The following CACNB2 variants were observed in gnomAD, a reference collection of about 807,000 sequenced individuals.
The protein encoded by CACNB2 is voltage-dependent L-type calcium channel subunit beta-2.
CACNB2 carries 42 observed loss-of-function variants against 73.3 expected under a neutral mutation model. That is an observed-to-expected ratio of 0.57 (90% confidence interval 0.45 to 0.74). The LOEUF is 0.74. Ranked by LOEUF, CACNB2 falls within the 30% of genes least tolerant of loss-of-function variation. The probability of loss-of-function intolerance (pLI) is 0.00; values close to 1 mark genes in which losing one functional copy is unlikely to be tolerated. For missense variants in CACNB2, 940 were observed against 853.0 expected (o/e 1.10, Z -1.27); for synonymous variants, 348 against 310.3 (o/e 1.12, Z -1.28).
At chr10:18,208,763 C>T (rs2035200416) in intron 2 of CACNB2, among the ~76,000 whole-genome samples, 1 of 138,702 alleles carries the variant, frequency 7.2e-6, no homozygotes, top group South Asian at 2.1e-4. Flanking sequence ...ATCTCAGCTA[C>T]TGGAAAGGCA....
chr10:18,271,636 G>T (rs1022157998), intron 2 of CACNB2, among the ~76,000 whole-genome samples: 1 of 151,996 alleles, frequency 6.6e-6, no homozygotes, highest in African/African-American at 2.4e-5. Context: ...CCTTCTCCCG[G>T]TGGCAGCACA....
At chr10:18,240,159 G>A (rs2036593286) in intron 2 of CACNB2, among the ~76,000 whole-genome samples, 1 of 152,200 alleles carries the variant, frequency 6.6e-6, no homozygotes, top group Non-Finnish European at 1.5e-5. Context: ...AAAACTATGA[G>A]TATTCTGTTG....
rs374708880 is a variant in CACNB2, at chr10:18,534,880, C to T, written c.1206+653C>T. Among the ~76,000 whole-genome samples, 5 of 152,218 alleles carry T rather than the reference C, an allele frequency of 3.3e-5. No individual in the cohort carries two copies. In the East Asian group the frequency reaches 5.8e-4, roughly 18 times the overall value. On this transcript the variant is annotated intron_variant, in intron 11 of 13. Transcript: ENST00000324631. ...AACAACTGACAGGCTATGCTTATTC[C>T]GACTTGGTGTAGCAGATATTTTCTT...
intron 3 of CACNB2, among the ~76,000 whole-genome samples, chr10:18,451,638 G>A (rs2047027656): frequency 6.6e-6 from 1 of 152,184 alleles, no homozygotes; most frequent in Admixed American, 6.5e-5. Context: ...TCCTCTCCCA[G>A]AAGAGAGGAA....
At chr10:18,495,709 T>C (rs1412540290) in intron 3 of CACNB2, among the ~76,000 whole-genome samples, 1 of 152,004 alleles carries the variant, frequency 6.6e-6, no homozygotes, top group Non-Finnish European at 1.5e-5. Flanking sequence ...CCACGGCACC[T>C]GGCCTTTTAA....
chr10:18,407,203 A>ACTC (rs1455579332), intron 3 of CACNB2, among the ~76,000 whole-genome samples: 1 of 126,810 alleles, frequency 7.9e-6, no homozygotes, highest in Non-Finnish European at 1.6e-5. Flanking sequence ...GCTCAGTGCA[A>ACTC]CTCCACCTCC....
intron 2 of CACNB2, among the ~76,000 whole-genome samples, chr10:18,213,458 G>T (rs2035396882): frequency 1.3e-5 from 2 of 152,304 alleles, no homozygotes; most frequent in South Asian, 2.1e-4. Flanking sequence ...CTCTTTGAAA[G>T]ATTGGTGCTG....
chr10:18,220,230 T>TAGAG (rs1352080814), intron 2 of CACNB2, among the ~76,000 whole-genome samples: 75 of 34,432 alleles, frequency 2.2e-3, no homozygotes, highest in Non-Finnish European at 2.6e-3. Flanking sequence ...TATATATATA[T>TAGAG]ATAGAGAGAG....
At chr10:18,157,586 A>G (rs1347666616) in intron 2 of CACNB2, among the ~76,000 whole-genome samples, 1 of 152,226 alleles carries the variant, frequency 6.6e-6, no homozygotes, top group African/African-American at 2.4e-5. Context: ...GCTTACTTTA[A>G]GTTCTGTCTC....
intron 3 of CACNB2, among the ~76,000 whole-genome samples, chr10:18,482,714 G>A (rs542210801): frequency 1.0e-3 from 152 of 152,180 alleles, no homozygotes; most frequent in Middle Eastern, 3.4e-3. Context: ...GTTTCACCAC[G>A]TTGGGCAGGC....
rs1041622858 is a variant in CACNB2, at chr10:18,194,633, T to C, written c.213+43658T>C. ...GGACAGGCAATCACAGCTGAGGCAATAGATGGGTGTGGGGGAGATATATTT... is the reference window on the plus strand; with the variant it reads ...GGACAGGCAATCACAGCTGAGGCAACAGATGGGTGTGGGGGAGATATATTT... On this transcript the variant is annotated intron_variant, in intron 2 of 13. Transcript: ENST00000324631. Among the ~76,000 whole-genome samples, 10 of 152,268 alleles carry C rather than the reference T, an allele frequency of 6.6e-5. 1 individual carries two copies. Among genetic ancestry groups the C allele is most frequent in the Admixed American group, 3.3e-4 (5 of 15,296 alleles).
At chr10:18,178,456 A>T (rs993451517) in intron 2 of CACNB2, among the ~76,000 whole-genome samples, 1 of 152,240 alleles carries the variant, frequency 6.6e-6, no homozygotes, top group Non-Finnish European at 1.5e-5. Flanking sequence ...ACTGAAAATC[A>T]TACAGAGATT....
intron 2 of CACNB2, among the ~76,000 whole-genome samples, chr10:18,381,197 G>A (rs745355690): frequency 4.6e-5 from 7 of 150,558 alleles, no homozygotes; most frequent in Non-Finnish European, 7.4e-5. Context: ...CACAAGCCTC[G>A]CCTCTCCTGC....
chr10:18,149,203 G>T (rs940206908), intron 1 of CACNB2, among the ~76,000 whole-genome samples: 1 of 151,970 alleles, frequency 6.6e-6, no homozygotes, highest in African/African-American at 2.4e-5. Flanking sequence ...ATTTTAAAGA[G>T]ATTTTCATAC....
chr10:18,316,845 G>A (rs2040206606), intron 2 of CACNB2, among the ~76,000 whole-genome samples: 1 of 152,032 alleles, frequency 6.6e-6, no homozygotes, highest in Non-Finnish European at 1.5e-5. Context: ...TTTTGTATTA[G>A]GATCCTGCAA....
chr10:18,312,877 C>T, intron 2 of CACNB2, among the ~76,000 whole-genome samples: 1 of 152,148 alleles, frequency 6.6e-6, no homozygotes, highest in East Asian at 1.9e-4. Context: ...TTTTTAGCCA[C>T]ATTTCAAGGT....
At chr10:18,448,254 T>C (rs2046833032) in intron 3 of CACNB2, among the ~76,000 whole-genome samples, 1 of 151,742 alleles carries the variant, frequency 6.6e-6, no homozygotes, top group Non-Finnish European at 1.5e-5. Context: ...GAGGCCAAGG[T>C]GGGCAGATCA....
At chr10:18,403,701 G>A (rs895326048) in intron 3 of CACNB2, among the ~76,000 whole-genome samples, 1 of 152,080 alleles carries the variant, frequency 6.6e-6, no homozygotes, top group African/African-American at 2.4e-5. Flanking sequence ...ATCAAACCAG[G>A]GTCGTGTTAC....
Position 18,368,983 on chromosome 10 carries a change from A to G in CACNB2, c.214-32941A>G, listed in dbSNP as rs576747966. ...ATTTGAAATGTACTGGTAATTTAAC[A>G]TCACTGTAAATTCATTAACTTAGGT... On this transcript the variant is annotated intron_variant, in intron 2 of 13. Transcript: ENST00000324631. Among the ~76,000 whole-genome samples the G allele has an allele frequency of 1.3e-4, 20 of 152,344 alleles. No individual in the cohort carries two copies. In the South Asian group the frequency reaches 3.7e-3, roughly 28 times the overall value.
Sources: gnomAD v4.1 joint callset for allele counts (sites outside exome capture counted in the v4.1 genomes callset) on GRCh38, gnomAD v4.1.1 for gene constraint, MANE v1.5 for transcripts, NCBI Gene and HGNC (gene_info 2026-07-23, HGNC 2026-07-21) for gene names.